RFC3: variants seen among roughly 807,000 people sequenced by gnomAD.
RFC3 encodes the protein A1 38 kDa subunit.
Under a neutral mutation model 45.1 loss-of-function variants are expected in RFC3, and 41 were observed. The observed-to-expected ratio is 0.91, with a 90% CI of 0.71 to 1.18. RFC3 has a LOEUF of 1.18. Among genes scored for constraint, RFC3 ranks in the 50% most tolerant of loss-of-function variants. RFC3 has a pLI of 0.00. For synonymous variants in RFC3, 149 were observed against 144.0 expected, an observed-to-expected ratio of 1.03 and a Z score of -0.25; for missense variants, 423 against 428.1, an observed-to-expected ratio of 0.99 and a Z score of 0.10.
Position 33,870,419 on chromosome 13 carries a change from A to G in RFC3, c.879+35202A>G, listed in dbSNP as rs149714808. ...ACATCTCAATGATGGCAAAATAAGA[A>G]ATAGCTGACATCATGTTTCTAAATA... On this transcript the variant is annotated intron_variant, in intron 8 of 8. Transcript: ENST00000434425. Among the ~76,000 whole-genome samples the G allele has an allele frequency of 3.2e-3, 485 of 152,356 alleles. 2 individuals are homozygous for G. The highest frequency in any genetic ancestry group is 0.011 in the African/African-American group (462 of 41,578).
At chr13:33,863,631 C>G (rs2082355475) in intron 8 of RFC3, among the ~76,000 whole-genome samples, 1 of 152,208 alleles carries the variant, frequency 6.6e-6, no homozygotes, top group Non-Finnish European at 1.5e-5. Flanking sequence ...TCCATGCTGT[C>G]CATGTGGTTG....
chr13:33,821,927 C>T (rs951361411), intron 2 of RFC3, among the ~76,000 whole-genome samples: 1 of 152,184 alleles, frequency 6.6e-6, no homozygotes, highest in Non-Finnish European at 1.5e-5. Flanking sequence ...GTAGTTTATA[C>T]ATCTTTTACT....
chr13:33,952,129 T>G (rs2082994859), intron 8 of RFC3, among the ~76,000 whole-genome samples: 1 of 152,214 alleles, frequency 6.6e-6, no homozygotes, highest in African/African-American at 2.4e-5. Context: ...AAAGAGCTCA[T>G]GGTTTAGCTT....
chr13:33,905,182 A>G (rs1566023323), intron 8 of RFC3, among the ~76,000 whole-genome samples: 2 of 151,602 alleles, frequency 1.3e-5, no homozygotes, highest in South Asian at 2.1e-4. Context: ...ACAGATAGCC[A>G]GGTGACAATT....
chr13:33,920,916 A>C (rs2082764765), intron 8 of RFC3, among the ~76,000 whole-genome samples: 1 of 152,064 alleles, frequency 6.6e-6, no homozygotes, highest in Non-Finnish European at 1.5e-5. Flanking sequence ...TATTTATTTT[A>C]ATTAAAGTGA....
chr13:33,908,927 G>A (rs989962911), intron 8 of RFC3, among the ~76,000 whole-genome samples: 2 of 152,016 alleles, frequency 1.3e-5, no homozygotes, highest in East Asian at 3.9e-4. Flanking sequence ...TTGTGGGAGG[G>A]TCAACATTTG....
At chr13:33,826,038 T>A (rs113557984) in intron 4 of RFC3, 152 bp downstream of exon 4, 7 of 416,962 alleles carry the variant, frequency 1.7e-5, no homozygotes, top group African/African-American at 6.1e-5. Context: ...TGAAAGAGGA[T>A]TATTTGTGCC....
chr13:33,889,759 C>T (rs1264341104), intron 8 of RFC3, among the ~76,000 whole-genome samples: 1 of 152,218 alleles, frequency 6.6e-6, no homozygotes, highest in Non-Finnish European at 1.5e-5. Flanking sequence ...CTACTCTCTA[C>T]TGCTATGACA....
chr13:33,866,482 A>G (rs1021472541), intron 8 of RFC3, among the ~76,000 whole-genome samples: 1 of 152,244 alleles, frequency 6.6e-6, no homozygotes, highest in African/African-American at 2.4e-5. Context: ...AATGAATTCA[A>G]ATAAGAAATA....
chr13:33,847,439 G>C (rs1291356090), intron 8 of RFC3: 2 of 152,094 alleles, frequency 1.3e-5, no homozygotes, highest in South Asian at 2.1e-4. Flanking sequence ...GGTGCTATCT[G>C]GCCATCTTGC....
chr13:33,953,696 A>G (rs980564015), intron 8 of RFC3, among the ~76,000 whole-genome samples: 4 of 152,164 alleles, frequency 2.6e-5, no homozygotes, highest in Admixed American at 1.3e-4. Context: ...AATTACAGAG[A>G]ACAAATGCAA....
At chr13:33,928,244 A>T (rs954984602) in intron 8 of RFC3, among the ~76,000 whole-genome samples, 2 of 152,226 alleles carry the variant, frequency 1.3e-5, no homozygotes, top group Admixed American at 1.3e-4. Context: ...AGACTGAGTC[A>T]ATCATGAAAG....
At chr13:33,841,973 G>T (rs1010827994), downstream of RFC3, among the ~76,000 whole-genome samples, 27 of 152,052 alleles carry the variant, frequency 1.8e-4, no homozygotes, top group African/African-American at 6.5e-4. Context: ...AGTTACCCAT[G>T]GTCAATTGCA....
chr13:33,951,603 A>G (rs1391324350), intron 8 of RFC3, among the ~76,000 whole-genome samples: 1 of 151,920 alleles, frequency 6.6e-6, no homozygotes, highest in Non-Finnish European at 1.5e-5. Flanking sequence ...TTTTTTCCTT[A>G]GTTGACTAAA....
intron 8 of RFC3, among the ~76,000 whole-genome samples, chr13:33,880,681 A>G (rs2082477106): frequency 6.6e-6 from 1 of 152,194 alleles, no homozygotes; most frequent in Non-Finnish European, 1.5e-5. Context: ...AATCGAGACC[A>G]TGGTAGATCA....
intron 8 of RFC3, among the ~76,000 whole-genome samples, chr13:33,965,401 T>C (rs1030925828): frequency 3.9e-5 from 6 of 152,214 alleles, no homozygotes; most frequent in Non-Finnish European, 5.9e-5. Flanking sequence ...AGTAACATAC[T>C]GTACAGGTTT....
intron 8 of RFC3, chr13:33,846,040 T>C (rs929182110): frequency 1.3e-5 from 2 of 152,204 alleles, no homozygotes; most frequent in African/African-American, 4.8e-5. Flanking sequence ...ATTGCCTTGG[T>C]GGTCTTGGGT....
In RFC3 at chr13:33,818,178, C is replaced by A; in HGVS notation, c.-1C>A. 1.2e-6 allele frequency: 2 copies of A among 1,612,636 alleles called. No homozygotes were observed. Among genetic ancestry groups the A allele is most frequent in the Non-Finnish European group, 1.7e-6 (2 of 1,179,448 alleles). ...GTAGGCCCCCGGGAACTCGAGCTGCCATGAGCCTCTGGGTGGACAAGTATC... is the reference window on the plus strand; with the variant it reads ...GTAGGCCCCCGGGAACTCGAGCTGCAATGAGCCTCTGGGTGGACAAGTATC... On this transcript the variant is annotated 5_prime_UTR_variant, in exon 1 of 9. Transcript: ENST00000380071.
At chr13:33,891,147 G>A (rs959288998) in intron 8 of RFC3, among the ~76,000 whole-genome samples, 1 of 152,088 alleles carries the variant, frequency 6.6e-6, no homozygotes, top group Non-Finnish European at 1.5e-5. Flanking sequence ...AAGAAACTAA[G>A]CATTTTTACA....
Sources: allele counts gnomAD v4.1 joint callset (sites outside exome capture counted in the v4.1 genomes callset), GRCh38; gene constraint gnomAD v4.1.1; transcripts MANE v1.5; gene names NCBI Gene and HGNC (gene_info 2026-07-23, HGNC 2026-07-21).